Variants in NLK observed in about 807,000 individuals in gnomAD.
NLK encodes nemo like kinase, also known as serine/threonine-protein kinase NLK.
NLK carries 11 observed loss-of-function variants against 59.0 expected under a neutral mutation model. The observed-to-expected ratio is 0.19, with a 90% confidence interval of 0.12 to 0.31. The LOEUF is 0.31. Among genes scored for constraint, NLK ranks in the 10% least tolerant of loss-of-function variants. The probability of loss-of-function intolerance (pLI) is 1.00; values close to 1 mark genes in which losing one functional copy is unlikely to be tolerated. For synonymous variants in NLK, 235 were observed against 235.9 expected (o/e 1.00, Z 0.03); for missense variants, 410 against 661.1 (o/e 0.62, Z 4.16).
chr17:28,123,195 A>G (rs111743022), intron 2 of NLK, among the ~76,000 whole-genome samples: 26 of 152,294 alleles, frequency 1.7e-4, no homozygotes, highest in African/African-American at 6.3e-4. Context: ...CGTTGAACCT[A>G]TTGAGTTTCG....
chr17:28,191,027 A>G lies in NLK; in HGVS notation c.1243A>G (p.Arg415Gly), dbSNP rs753287960. 6.3e-7 allele frequency: 1 copy of G among 1,592,236 alleles called. No homozygotes were observed. The highest frequency in any genetic ancestry group is 1.1e-5 in the South Asian group (1 of 87,102). Residue 415 changes from arginine to glycine, a missense_variant, in exon 9 of 11, where the codon AGA (arginine) becomes GGA (glycine). By Grantham distance (125) the Arg-to-Gly change is moderately radical. Around this residue, in one of 5 missense-constraint regions of NLK, gnomAD observed 150 missense variants for 244.3 expected, o/e 0.61. Transcript: ENST00000407008. ...GTCTCTAATTTGATTTCAGTCCAAAAGAATATCCGCTAAGGATGCCTTAGC... is the reference window on the plus strand; with the variant it reads ...GTCTCTAATTTGATTTCAGTCCAAAGGAATATCCGCTAAGGATGCCTTAGC... ...CRMLVFDPSK[R>G]ISAKDALAHP...
rs34168908 is a variant in NLK, at chr17:28,169,545, A to G, written c.1047+888A>G. ...AAGCTAATTATTCACTAATACACAT[A>G]TTGACATAATTACTGGGTATTTTGT... On this transcript the variant is annotated intron_variant, in intron 6 of 10. Coordinates refer to ENST00000407008, the MANE Select transcript of NLK (RefSeq NM_016231.5). 3.7e-3 allele frequency among the ~76,000 whole-genome samples: 567 copies of G among 152,256 alleles called. 5 individuals are homozygous for G. Among genetic ancestry groups the G allele is most frequent in the African/African-American group, 0.013 (531 of 41,534 alleles).
the NLK span, among the ~76,000 whole-genome samples, chr17:28,202,553 C>T: frequency 6.6e-6 from 1 of 151,932 alleles, no homozygotes; most frequent in Non-Finnish European, 1.5e-5. Context: ...TAGTTTTTTT[C>T]CTTAAAATAC....
intron 3 of NLK, among the ~76,000 whole-genome samples, chr17:28,152,364 G>A (rs1402107367): frequency 2.6e-5 from 4 of 152,176 alleles, no homozygotes; most frequent in Admixed American, 6.5e-5. Flanking sequence ...GATTTTCCAA[G>A]TGCCAGCACT....
rs374617676 is a variant in NLK at position 28,073,600 on chromosome 17, A to G, written c.458+30269A>G. ...ACTCATATCTTTAGGAATTACCTCT[A>G]GCTCTTTTTGAAATGTGGCAAGGGG... On this transcript the variant is annotated intron_variant, in intron 1 of 10. Transcript: ENST00000407008. Among the ~76,000 whole-genome samples, 88 of 152,246 alleles carry G rather than the reference A, an allele frequency of 5.8e-4. 1 individual carries two copies. In the South Asian group the frequency reaches 0.018, roughly 30 times the overall value.
rs1357123732 is a variant in NLK at position 28,042,928 on chromosome 17, G to A, written c.55G>A (p.Gly19Ser). The A allele has an allele frequency of 6.5e-7, 1 of 1,547,766 alleles. No individual in the cohort carries two copies. The highest frequency in any genetic ancestry group is 1.4e-5 in the African/African-American group (1 of 72,960). ...NAKMMAAYNG[G>S]TSAAAAGHHH... ...AAAAATGATGGCGGCTTACAATGGC[G>A]GTACATCTGCAGCAGCAGCAGGTCA... The change falls in exon 1 of 11, where the codon GGT becomes AGT. Residue 19 changes from glycine (G) to serine (S), a missense_variant. Physicochemically the swap from Gly to Ser is moderately conservative, Grantham distance 56. Coordinates refer to ENST00000407008, the MANE Select transcript of NLK (RefSeq NM_016231.5).
chr17:28,192,726 G>A (rs929994527), intron 10 of NLK, among the ~76,000 whole-genome samples: 20 of 151,830 alleles, frequency 1.3e-4, no homozygotes, highest in African/African-American at 3.6e-4. Flanking sequence ...AGTTCACTGC[G>A]GTTGCTTTGG....
At chr17:28,191,914 C>T (rs775666670) in intron 9 of NLK, among the ~76,000 whole-genome samples, 10 of 152,182 alleles carry the variant, frequency 6.6e-5, no homozygotes, top group Non-Finnish European at 1.3e-4. Flanking sequence ...TGTGTAATGC[C>T]ACCAGTAGGT....
At chr17:28,197,114 G>T (rs1597732458), downstream of NLK, among the ~76,000 whole-genome samples, 1 of 152,230 alleles carries the variant, frequency 6.6e-6, no homozygotes, top group Admixed American at 6.5e-5. Flanking sequence ...CCAATGCTTA[G>T]ATAAGGAAAC....
chr17:28,162,969 A>G (rs894350345), intron 4 of NLK, among the ~76,000 whole-genome samples: 1 of 152,148 alleles, frequency 6.6e-6, no homozygotes, highest in Non-Finnish European at 1.5e-5. Context: ...AAAGGACTCA[A>G]CCTTGAGGCT....
At chr17:28,199,681 A>C (rs1461087991), downstream of NLK, among the ~76,000 whole-genome samples, 6 of 9,318 alleles carry the variant, frequency 6.4e-4, no homozygotes, top group Admixed American at 2.0e-3. Flanking sequence ...AAAAAAAAAA[A>C]AAACAAAACA....
chr17:28,140,064 A>G (rs1197482765), intron 3 of NLK, among the ~76,000 whole-genome samples: 1 of 152,182 alleles, frequency 6.6e-6, no homozygotes, highest in Non-Finnish European at 1.5e-5. Flanking sequence ...ATTGAAGAGG[A>G]TAGATATTCC....
At chr17:28,082,995 G>C (rs139869069) in intron 1 of NLK, among the ~76,000 whole-genome samples, 2 of 152,280 alleles carry the variant, frequency 1.3e-5, no homozygotes, top group Admixed American at 1.3e-4. Context: ...GCAGAGGACT[G>C]TCTATTTGGA....
Position 28,194,585 on chromosome 17 carries a change from C to G in NLK, c.1533C>G (p.Ser511=). The G allele has an allele frequency of 6.3e-7, 1 of 1,595,496 alleles. No homozygotes were observed. Among genetic ancestry groups the G allele is most frequent in the Admixed American group, 1.7e-5 (1 of 59,802 alleles). ...QSAAFKSFIS[S]TVAQPSEMPP... The stretch of plus-strand genomic sequence containing the variant: ...CTCCATCTCTGTTTTCTTCCAGTTC[C>G]ACTGTTGCTCAGCCATCTGAGATGC... The change falls in exon 11 of 11, where the codon TCC becomes TCG. Residue 511 remains serine (S), a synonymous_variant. Transcript: ENST00000407008.
chr17:28,192,231 ATT>A lies in NLK; in HGVS notation c.1529+19_1529+20del, dbSNP rs1909330774. 7.7e-7 allele frequency: 1 copy of A among 1,299,094 alleles called. No individual in the cohort carries two copies. The highest frequency in any genetic ancestry group is 1.2e-5 in the South Asian group (1 of 80,366). 80.5% of individuals were successfully genotyped at this position (1,299,094 alleles called of 1,614,324 possible). A position where few individuals can be genotyped will look rare whatever the true frequency, so the allele number is the denominator to read the frequency against. ...TTTATTAGGTAACTATATGTATGTA[ATT>A]CAACATTCTTGTTAGAATTAAAAGG... On this transcript the variant is annotated intron_variant, in intron 10 of 10. Coordinates refer to ENST00000407008, the MANE Select transcript of NLK (RefSeq NM_016231.5).
intron 1 of NLK, among the ~76,000 whole-genome samples, chr17:28,046,529 A>G (rs1402795250): frequency 6.6e-6 from 1 of 152,216 alleles, no homozygotes; most frequent in African/African-American, 2.4e-5. Flanking sequence ...AAACACCCAC[A>G]TGGACATTTT....
At chr17:28,140,872 C>T (rs977824329) in intron 3 of NLK, among the ~76,000 whole-genome samples, 2 of 152,002 alleles carry the variant, frequency 1.3e-5, no homozygotes, top group African/African-American at 2.4e-5. Context: ...TTCAGTAGTC[C>T]TTCCTGTATC....
intron 1 of NLK, among the ~76,000 whole-genome samples, chr17:28,061,137 C>G (rs72850125): frequency 6.6e-6 from 1 of 152,252 alleles, no homozygotes; most frequent in Non-Finnish European, 1.5e-5. Context: ...TCCTCCACAG[C>G]CTCCTGAGGG....
chr17:28,070,125 A>G (rs1909958646), intron 1 of NLK, among the ~76,000 whole-genome samples: 1 of 151,698 alleles, frequency 6.6e-6, no homozygotes, highest in African/African-American at 2.4e-5. Context: ...AATCCCAGCT[A>G]CTCAGGAGGC....
Sources: gnomAD v4.1 joint callset for allele counts (sites outside exome capture counted in the v4.1 genomes callset) on GRCh38, gnomAD v4.1.1 for gene constraint, gnomAD v4.1.1 regional missense constraint, MANE v1.5 for transcripts, NCBI Gene and HGNC (gene_info 2026-07-23, HGNC 2026-07-21) for gene names.